The following AGGF1 variants were observed in gnomAD, a reference collection of about 807,000 sequenced individuals.
The protein encoded by AGGF1 is angiogenic factor with G-patch and FHA domains 1.
In AGGF1, 56 loss-of-function variants were observed where a neutral mutation model predicts 86.5. The ratio of observed to expected loss-of-function variants is 0.65; its 90% CI spans 0.52 to 0.81. AGGF1 has a LOEUF of 0.81. AGGF1 is among the 30% of genes least tolerant of loss of function. The pLI is 0.00. For missense variants in AGGF1, 816 were observed against 850.9 expected (o/e 0.96, Z 0.51); for synonymous variants, 313 against 297.1 (o/e 1.05, Z -0.55).
intron 13 of AGGF1, among the ~76,000 whole-genome samples, chr5:77,062,799 G>T (rs1747584949): frequency 6.6e-6 from 1 of 152,154 alleles, no homozygotes; most frequent in South Asian, 2.1e-4. Flanking sequence ...TTTGGTGATT[G>T]CTAGTTAAGG....
At chr5:77,056,391 G>A (rs916889321) in intron 11 of AGGF1, among the ~76,000 whole-genome samples, 20 of 151,714 alleles carry the variant, frequency 1.3e-4, no homozygotes, top group African/African-American at 4.4e-4. Flanking sequence ...ACCACGCCCC[G>A]CTAATTTTTG....
chr5:77,040,343 C>T (rs1218009923), intron 5 of AGGF1, among the ~76,000 whole-genome samples: 1 of 151,472 alleles, frequency 6.6e-6, no homozygotes, highest in Non-Finnish European at 1.5e-5. Flanking sequence ...CTCCTGACCT[C>T]AGCTGATCCT....
rs577275383 is a variant in AGGF1, at chr5:77,040,271, G to T, written c.870+552G>T. ...TTACAGGCATGCACCAACACGTCTG[G>T]CTAATTTTTTTGTAATCTTAGTAGA... On this transcript the variant is annotated intron_variant, in intron 5 of 13. Coordinates refer to ENST00000312916, the MANE Select transcript of AGGF1 (RefSeq NM_018046.5). Among the ~76,000 whole-genome samples, 139 of 152,074 alleles carry T rather than the reference G, an allele frequency of 9.1e-4. 1 individual carries two copies. Among genetic ancestry groups the T allele is most frequent in the Admixed American group, 3.7e-3 (56 of 15,256 alleles).
intron 13 of AGGF1, among the ~76,000 whole-genome samples, chr5:77,062,345 T>C (rs1174069756): frequency 2.0e-5 from 3 of 152,176 alleles, no homozygotes; most frequent in Non-Finnish European, 4.4e-5. Context: ...CCTAAAGAAA[T>C]AATAGATGGA....
At chr5:77,042,602 C>G (rs1363553684) in intron 5 of AGGF1, among the ~76,000 whole-genome samples, 1 of 63,370 alleles carries the variant, frequency 1.6e-5, no homozygotes, top group African/African-American at 4.8e-5. Context: ...CCCCACCTCC[C>G]TCCCGGACGT....
At chr5:77,049,073 A>C in intron 8 of AGGF1, 86 bp downstream of exon 8, 1 of 1,335,182 alleles carries the variant, frequency 7.5e-7, no homozygotes, top group Non-Finnish European at 1.1e-6. Context: ...GATTTTTCTC[A>C]TTTAATAGGA....
chr5:77,055,291 C>T (rs1747439794), intron 10 of AGGF1, among the ~76,000 whole-genome samples: 1 of 152,000 alleles, frequency 6.6e-6, no homozygotes, highest in African/African-American at 2.4e-5. Flanking sequence ...CTATAAGATT[C>T]CTATTATCTG....
chr5:77,034,453 A>G lies in AGGF1; in HGVS notation c.246A>G (p.Arg82=). 1.9e-6 allele frequency: 3 copies of G among 1,613,470 alleles called. No individual in the cohort carries two copies. The highest frequency in any genetic ancestry group is 1.3e-5 in the African/African-American group (1 of 75,010). Reference sequence around the variant, plus strand: ...TCAGTAAAATACTCCAACGTGGGAGAAATGAAGATAATAAAAAGTCTGATG... The same window carrying G: ...TCAGTAAAATACTCCAACGTGGGAGGAATGAAGATAATAAAAAGTCTGATG... ...EELSKILQRG[R]NEDNKKSDVE... is the part of the protein sequence containing the mutation. Residue 82 remains arginine (R), a synonymous_variant, in exon 2 of 14, where the codon AGA becomes AGG. Coordinates refer to ENST00000312916, the MANE Select transcript of AGGF1 (RefSeq NM_018046.5).
At chr5:77,035,835 C>G in intron 3 of AGGF1, 92 bp downstream of exon 3, 1 of 1,103,932 alleles carries the variant, frequency 9.1e-7, no homozygotes, top group Non-Finnish European at 1.4e-6. Context: ...TTTGGTCCGT[C>G]ACAGCATATA....
chr5:77,053,444 G>C (rs1414725392), intron 9 of AGGF1, among the ~76,000 whole-genome samples: 1 of 152,140 alleles, frequency 6.6e-6, no homozygotes, highest in Admixed American at 6.5e-5. Flanking sequence ...GTTTGCACCG[G>C]GGAGGTGGAG....
intron 12 of AGGF1, among the ~76,000 whole-genome samples, chr5:77,060,278 A>G (rs1003769653): frequency 6.6e-6 from 1 of 152,232 alleles, no homozygotes; most frequent in Non-Finnish European, 1.5e-5. Context: ...ACTTAAACAC[A>G]CATATATGTA....
intron 8 of AGGF1, among the ~76,000 whole-genome samples, chr5:77,050,051 A>G (rs1747342292): frequency 6.6e-6 from 1 of 151,904 alleles, no homozygotes; most frequent in Non-Finnish European, 1.5e-5. Context: ...ATAATTTCTC[A>G]TTTTTAATTT....
At chr5:77,059,043 C>T (rs562184496) in intron 11 of AGGF1, among the ~76,000 whole-genome samples, 14 of 152,190 alleles carry the variant, frequency 9.2e-5, no homozygotes, top group Non-Finnish European at 1.8e-4. Flanking sequence ...CTACATTTCT[C>T]CCTTCCAAGA....
chr5:77,031,051 G>T, intron 1 of AGGF1, 75 bp downstream of exon 1: 1 of 1,519,804 alleles, frequency 6.6e-7, no homozygotes, highest in African/African-American at 1.4e-5. Flanking sequence ...GCCTCGGAAG[G>T]GGTCCCTGGC....
chr5:77,030,723 A>G lies in AGGF1; in HGVS notation c.-44A>G. 1 of 1,543,204 alleles carries G rather than the reference A, an allele frequency of 6.5e-7. No homozygotes were observed. The highest frequency in any genetic ancestry group is 2.4e-5 in the East Asian group (1 of 42,144). ...GTCCGCCGGCGTCCGTTTCGGCCTG[A>G]ACGCAGCCCCTCCGCGGCGACGAGC... On this transcript the variant is annotated 5_prime_UTR_variant, in exon 1 of 14. It removes the in-frame stop codon of an upstream open reading frame in the 5' UTR. Transcript: ENST00000312916.
At position 77,036,593 on chromosome 5, in the gene AGGF1, TAGA is replaced by T; in HGVS notation, c.557_559del (p.Glu186del). ...GCATTAGCAACAGAAGATACCTCCTTAGAAGGCTCATCATTAGCTGAAAGTTTG... is the reference window on the plus strand; with the variant it reads ...GCATTAGCAACAGAAGATACCTCCTTAGGCTCATCATTAGCTGAAAGTTTG... On this transcript the variant is annotated inframe_deletion, in exon 4 of 14. Coordinates refer to ENST00000312916, the MANE Select transcript of AGGF1 (RefSeq NM_018046.5). 1 of 1,614,144 alleles carries T rather than the reference TAGA, an allele frequency of 6.2e-7. No homozygotes were observed. Among genetic ancestry groups the T allele is most frequent in the Non-Finnish European group, 8.5e-7 (1 of 1,180,018 alleles).
At chr5:77,035,969 G>C in intron 3 of AGGF1, 2 of 489,210 alleles carry the variant, frequency 4.1e-6, no homozygotes, top group Non-Finnish European at 7.3e-6. Context: ...AAAATTTTGT[G>C]ATCTACATAA....
At chr5:77,044,366 C>A (rs1267446816) in intron 5 of AGGF1, among the ~76,000 whole-genome samples, 2 of 152,212 alleles carry the variant, frequency 1.3e-5, no homozygotes, top group South Asian at 4.1e-4. Flanking sequence ...TAAAAGGTAC[C>A]TGTGAGGCCA....
intron 1 of AGGF1, 25 bp downstream of exon 1, chr5:77,031,001 G>A: frequency 1.2e-6 from 2 of 1,609,854 alleles, no homozygotes; most frequent in East Asian, 4.5e-5. Flanking sequence ...TCAGCCCCGC[G>A]CCCCATCCAG....
Sources: allele counts gnomAD v4.1 joint callset (sites outside exome capture counted in the v4.1 genomes callset), GRCh38; gene constraint gnomAD v4.1.1; transcripts MANE v1.5; gene names NCBI Gene and HGNC (gene_info 2026-07-23, HGNC 2026-07-21).